Variants in KBTBD12 observed in about 807,000 individuals in gnomAD.
KBTBD12 encodes the protein kelch repeat and BTB domain-containing protein 12.
A neutral mutation model predicts 58.7 loss-of-function variants in KBTBD12; 53 were observed. The ratio of observed to expected loss-of-function variants is 0.90; its 90% CI spans 0.72 to 1.14. The LOEUF is 1.14. Ranked by LOEUF, KBTBD12 falls within the 50% of genes most tolerant of loss-of-function variation. The pLI, the probability that KBTBD12 is intolerant of heterozygous loss-of-function variation, is 0.00. For missense variants in KBTBD12, 704 were observed against 751.3 expected (o/e 0.94, Z 0.74); for synonymous variants, 236 against 259.8 (o/e 0.91, Z 0.88).
chr3:127,926,105 T>C (rs1307991160), intron 2 of KBTBD12, among the ~76,000 whole-genome samples: 2 of 152,182 alleles, frequency 1.3e-5, no homozygotes, highest in East Asian at 1.9e-4. Context: ...CTATTAACAA[T>C]GAAGGCCTTT....
Position 127,985,918 on chromosome 3 carries a change from C to G in KBTBD12, c.*1640C>G, listed in dbSNP as rs1356426066. On this transcript the variant is annotated 3_prime_UTR_variant, in exon 6 of 6. Coordinates refer to ENST00000405109, the MANE Select transcript of KBTBD12 (RefSeq NM_207335.4). ...GAGTTAAAGTGAGCTTACTCTTTCCCCAGTGGATGATCATGATCTGTGCAT... is the reference window on the plus strand; with the variant it reads ...GAGTTAAAGTGAGCTTACTCTTTCCGCAGTGGATGATCATGATCTGTGCAT... 2 of 152,346 alleles carry G rather than the reference C, an allele frequency of 1.3e-5. No homozygotes were observed. Among genetic ancestry groups the G allele is most frequent in the Non-Finnish European group, 2.9e-5 (2 of 68,118 alleles). 9.4% of individuals were successfully genotyped at this position (152,346 alleles called of 1,614,324 possible). A position where few individuals can be genotyped will look rare whatever the true frequency, so the allele number is the denominator to read the frequency against.
At chr3:127,943,448 A>G (rs562111890) in intron 4 of KBTBD12, among the ~76,000 whole-genome samples, 32 of 151,872 alleles carry the variant, frequency 2.1e-4, no homozygotes, top group Non-Finnish European at 4.4e-4. Context: ...TTTTTCATAT[A>G]CCTATTGGGC....
chr3:127,937,584 A>G (rs1939856437), intron 4 of KBTBD12, among the ~76,000 whole-genome samples: 1 of 152,146 alleles, frequency 6.6e-6, no homozygotes, highest in Admixed American at 6.5e-5. Flanking sequence ...GGGATTAATA[A>G]TGTTTAACAG....
At chr3:127,940,078 T>C (rs1939919279) in intron 4 of KBTBD12, among the ~76,000 whole-genome samples, 1 of 152,142 alleles carries the variant, frequency 6.6e-6, no homozygotes, top group Non-Finnish European at 1.5e-5. Context: ...TAAATGTGTA[T>C]GTACCTAACA....
intron 4 of KBTBD12, among the ~76,000 whole-genome samples, chr3:127,933,877 C>T (rs190492368): frequency 2.6e-4 from 40 of 152,056 alleles, no homozygotes; most frequent in Admixed American, 4.6e-4. Context: ...AGGCATGTTC[C>T]GTTTAGGTAA....
At chr3:127,933,984 A>G (rs574420499) in intron 4 of KBTBD12, among the ~76,000 whole-genome samples, 8 of 152,188 alleles carry the variant, frequency 5.3e-5, no homozygotes, top group African/African-American at 1.9e-4. Context: ...TTGCCACAAT[A>G]TATTATCCAT....
chr3:127,941,774 A>G (rs140394868), intron 4 of KBTBD12, among the ~76,000 whole-genome samples: 10 of 152,044 alleles, frequency 6.6e-5, no homozygotes, highest in Non-Finnish European at 1.0e-4. Context: ...TCATTTTTGT[A>G]TTATTAGTAG....
At chr3:127,917,739 A>G (rs1299105234) in intron 1 of KBTBD12, among the ~76,000 whole-genome samples, 1 of 152,258 alleles carries the variant, frequency 6.6e-6, no homozygotes, top group Non-Finnish European at 1.5e-5. Flanking sequence ...TAAATATTTT[A>G]TAGTATCACA....
intron 1 of KBTBD12, among the ~76,000 whole-genome samples, chr3:127,921,934 C>G (rs1369471459): frequency 6.6e-6 from 1 of 152,118 alleles, no homozygotes; most frequent in East Asian, 1.9e-4. Flanking sequence ...TTATCTTACT[C>G]ATAATCTAGA....
At chr3:127,941,719 C>T (rs1939953869) in intron 4 of KBTBD12, among the ~76,000 whole-genome samples, 1 of 152,190 alleles carries the variant, frequency 6.6e-6, no homozygotes, top group African/African-American at 2.4e-5. Flanking sequence ...TCCTCCCCAG[C>T]CTCCCAAGTA....
intron 5 of KBTBD12, among the ~76,000 whole-genome samples, chr3:127,978,711 T>G (rs1436378723): frequency 3.3e-5 from 5 of 152,200 alleles, no homozygotes; most frequent in Admixed American, 3.3e-4. Flanking sequence ...CCCTTTTCTC[T>G]GACCAGGGAA....
At position 127,923,145 on chromosome 3, in the gene KBTBD12, A is replaced by G; in HGVS notation, c.84A>G (p.Ala28=). Residue 28 remains alanine, a synonymous_variant, in exon 2 of 6, where the codon GCA becomes GCG. Coordinates refer to ENST00000405109, the MANE Select transcript of KBTBD12 (RefSeq NM_207335.4). ...AAATTCAGAACATGAAAGAATTAGC[A>G]GAAATGATTGATGTGGTACTCACAG... The part of the protein sequence containing the change: ...LNKIQNMKEL[A]EMIDVVLTAE... The G allele has an allele frequency of 6.2e-7, 1 of 1,612,900 alleles. No homozygotes were observed. The highest frequency in any genetic ancestry group is 2.2e-5 in the East Asian group (1 of 44,866).
intron 5 of KBTBD12, among the ~76,000 whole-genome samples, chr3:127,975,965 A>G (rs1349988772): frequency 1.3e-5 from 2 of 152,346 alleles, no homozygotes; most frequent in East Asian, 3.9e-4. Context: ...AAAGTTACAA[A>G]AAAGAAAATG....
At chr3:127,960,775 C>T (rs1350674845) in intron 4 of KBTBD12, among the ~76,000 whole-genome samples, 2 of 152,196 alleles carry the variant, frequency 1.3e-5, no homozygotes, top group Non-Finnish European at 2.9e-5. Context: ...CATGTCACTC[C>T]TTGAGTGGAG....
At position 127,944,072 on chromosome 3, in the gene KBTBD12, T is replaced by C. The variant is rs141895943; in HGVS notation, c.1492+13789T>C. The stretch of plus-strand genomic sequence containing the variant: ...TGTTTTTATTGCCAGTACCATACTG[T>C]TTTGATCACTATAGCTTTGTAATAG... On this transcript the variant is annotated intron_variant, in intron 4 of 5. Coordinates refer to ENST00000405109, the MANE Select transcript of KBTBD12 (RefSeq NM_207335.4). Among the ~76,000 whole-genome samples the C allele has an allele frequency of 4.0e-4, 61 of 152,316 alleles. 1 individual carries two copies. The East Asian group carries it at 9.8e-3, about 25-fold the overall frequency.
intron 5 of KBTBD12, among the ~76,000 whole-genome samples, chr3:127,966,108 G>A (rs1287990391): frequency 6.6e-6 from 1 of 152,200 alleles, no homozygotes; most frequent in African/African-American, 2.4e-5. Flanking sequence ...GTTAAGGTCA[G>A]GCATCCAGTA....
intron 5 of KBTBD12, among the ~76,000 whole-genome samples, chr3:127,976,652 T>C (rs1342693624): frequency 6.6e-6 from 1 of 152,224 alleles, no homozygotes; most frequent in Non-Finnish European, 1.5e-5. Flanking sequence ...TTATTTTTCC[T>C]TTGCAAATGG....
At chr3:127,936,417 A>G (rs1444691570) in intron 4 of KBTBD12, among the ~76,000 whole-genome samples, 2 of 152,082 alleles carry the variant, frequency 1.3e-5, no homozygotes, top group Non-Finnish European at 2.9e-5. Context: ...ACAATCATCA[A>G]TGGAGATTTA....
chr3:127,972,708 A>C (rs538790469), intron 5 of KBTBD12, among the ~76,000 whole-genome samples: 1 of 152,246 alleles, frequency 6.6e-6, no homozygotes, highest in Non-Finnish European at 1.5e-5. Flanking sequence ...AAGCAGGTAC[A>C]TTGTCAAAGA....
Sources: allele counts gnomAD v4.1 joint callset (sites outside exome capture counted in the v4.1 genomes callset), GRCh38; gene constraint gnomAD v4.1.1; transcripts MANE v1.5; gene names NCBI Gene and HGNC (gene_info 2026-07-23, HGNC 2026-07-21).